The following CPPED1 variants were observed in gnomAD, a reference collection of about 807,000 sequenced individuals.
CPPED1 encodes calcineurin like phosphoesterase domain containing 1, also known as serine/threonine-protein phosphatase CPPED1.
Under a neutral mutation model 28.0 loss-of-function variants are expected in CPPED1, and 28 were observed. The ratio of observed to expected loss-of-function variants is 1.00; its 90% CI spans 0.74 to 1.37. The LOEUF (loss-of-function observed/expected upper bound fraction) is 1.37, where lower values mean the gene tolerates loss of function less well. Among genes scored for constraint, CPPED1 ranks in the 40% most tolerant of loss-of-function variants. The pLI is 0.00. For missense variants in CPPED1, 504 were observed against 416.5 expected (o/e 1.21, Z -1.83); for synonymous variants, 198 against 180.2 (o/e 1.10, Z -0.79).
chr16:12,695,168 T>C (rs1207134035), intron 3 of CPPED1, among the ~76,000 whole-genome samples: 4 of 152,338 alleles, frequency 2.6e-5, no homozygotes, highest in East Asian at 1.9e-4. Context: ...AATCTGACTA[T>C]GAAATTATAC....
chr16:12,716,734 T>A (rs1258952489), intron 2 of CPPED1, among the ~76,000 whole-genome samples: 1 of 152,184 alleles, frequency 6.6e-6, no homozygotes, highest in Non-Finnish European at 1.5e-5. Context: ...ACATAAAAAT[T>A]ATTTGTCTTC....
intron 3 of CPPED1, among the ~76,000 whole-genome samples, chr16:12,699,285 T>C (rs932292726): frequency 1.3e-5 from 2 of 152,212 alleles, no homozygotes; most frequent in Admixed American, 1.3e-4. Context: ...TGTCCTGACC[T>C]GATAACTGTT....
chr16:12,696,139 TA>T (rs112109908), intron 3 of CPPED1, among the ~76,000 whole-genome samples: 4,218 of 152,314 alleles, frequency 0.028, 198 homozygotes, highest in African/African-American at 0.096. Flanking sequence ...TGTCTAGCTT[TA>T]CTTCCTATAG....
intron 1 of CPPED1, among the ~76,000 whole-genome samples, chr16:12,790,031 T>C (rs2080587016): frequency 6.6e-6 from 1 of 152,152 alleles, no homozygotes; most frequent in Non-Finnish European, 1.5e-5. Context: ...TTTTGGGTAA[T>C]ATCAAGCTAA....
intron 3 of CPPED1, among the ~76,000 whole-genome samples, chr16:12,683,976 G>A (rs2141173926): frequency 6.6e-6 from 1 of 152,282 alleles, no homozygotes; most frequent in Middle Eastern, 3.4e-3. Flanking sequence ...GATGGCTGCA[G>A]GGCTTCCGGG....
At chr16:12,669,476 G>A (rs2079842988) in intron 3 of CPPED1, among the ~76,000 whole-genome samples, 2 of 152,124 alleles carry the variant, frequency 1.3e-5, no homozygotes, top group Admixed American at 1.3e-4. Flanking sequence ...GCATTTTATG[G>A]TATGTGAATT....
intron 2 of CPPED1, among the ~76,000 whole-genome samples, chr16:12,772,811 G>C (rs2141233695): frequency 6.6e-6 from 1 of 152,302 alleles, no homozygotes; most frequent in East Asian, 1.9e-4. Flanking sequence ...CCCTAGGCCA[G>C]ATCTCATTTG....
At chr16:12,734,387 T>G (rs544789224) in intron 2 of CPPED1, among the ~76,000 whole-genome samples, 129 of 149,782 alleles carry the variant, frequency 8.6e-4, no homozygotes, top group Middle Eastern at 3.6e-3. Context: ...AATTTTTTTT[T>G]TTTGTTTTTG....
At chr16:12,702,012 C>A (rs1233290368) in intron 3 of CPPED1, among the ~76,000 whole-genome samples, 1 of 152,158 alleles carries the variant, frequency 6.6e-6, no homozygotes, top group Non-Finnish European at 1.5e-5. Flanking sequence ...AGAGAAAGCA[C>A]CGCTGGGGTG....
intron 3 of CPPED1, among the ~76,000 whole-genome samples, chr16:12,671,913 T>C (rs539037939): frequency 1.3e-5 from 2 of 152,242 alleles, no homozygotes; most frequent in African/African-American, 4.8e-5. Context: ...GGACGCCATA[T>C]ATGAAGGGGG....
intron 2 of CPPED1, among the ~76,000 whole-genome samples, chr16:12,714,144 T>C (rs574596723): frequency 6.6e-6 from 1 of 152,348 alleles, no homozygotes; most frequent in Non-Finnish European, 1.5e-5. Context: ...TATTCTACTG[T>C]ATGAATATAT....
chr16:12,766,692 CA>C (rs1254857225), intron 2 of CPPED1, among the ~76,000 whole-genome samples: 1 of 152,096 alleles, frequency 6.6e-6, no homozygotes, highest in East Asian at 1.9e-4. Flanking sequence ...TTGCTTGAAC[CA>C]GGGGGGCGCA....
intron 3 of CPPED1, among the ~76,000 whole-genome samples, chr16:12,673,857 G>A (rs925856148): frequency 5.9e-5 from 9 of 152,134 alleles, no homozygotes; most frequent in Middle Eastern, 6.8e-3. Context: ...GACCAGCCTC[G>A]GCAACATCAT....
chr16:12,713,709 A>AT (rs145370900), intron 2 of CPPED1, among the ~76,000 whole-genome samples: 20 of 151,128 alleles, frequency 1.3e-4, no homozygotes, highest in Admixed American at 2.6e-4. Context: ...GTGTTTCTCA[A>AT]TTTTTTTTTC....
intron 1 of CPPED1, among the ~76,000 whole-genome samples, chr16:12,794,348 C>A (rs2060358): frequency 0.023 from 3,526 of 151,932 alleles, 100 homozygotes; most frequent in East Asian, 0.13. Context: ...AGAAAGAAGC[C>A]CAAAGTGGTA....
chr16:12,782,536 C>A (rs1482133458), intron 1 of CPPED1, among the ~76,000 whole-genome samples: 1 of 141,788 alleles, frequency 7.1e-6, no homozygotes, highest in Non-Finnish European at 1.5e-5. Flanking sequence ...TGCTCCATCA[C>A]CTTGAGGCTG....
chr16:12,701,209 A>G (rs1365027924), intron 3 of CPPED1, among the ~76,000 whole-genome samples: 1 of 151,800 alleles, frequency 6.6e-6, no homozygotes, highest in Non-Finnish European at 1.5e-5. Flanking sequence ...AGCCTGAGTG[A>G]CATAGTAAGA....
At chr16:12,728,783 C>G (rs1225116417) in intron 2 of CPPED1, among the ~76,000 whole-genome samples, 2 of 152,146 alleles carry the variant, frequency 1.3e-5, no homozygotes, top group Non-Finnish European at 2.9e-5. Flanking sequence ...TGAGGCCTGG[C>G]CAGTTCTGTG....
At position 12,733,419 on chromosome 16, in the gene CPPED1, C is replaced by T. The variant is rs981070751; in HGVS notation, c.290-28370G>A. 6.6e-5 allele frequency among the ~76,000 whole-genome samples: 10 copies of T among 152,018 alleles called. No individual in the cohort carries two copies. In the East Asian group the frequency reaches 1.4e-3, roughly 21 times the overall value. On this transcript the variant is annotated intron_variant, in intron 2 of 3. Coordinates refer to ENST00000381774, the MANE Select transcript of CPPED1 (RefSeq NM_018340.3). ...TCTCCTGAGTAGTTAGGATTACAGG[C>T]GCCCGCCACCACATTCGGCTAATTT...
Sources: gnomAD v4.1 joint callset for allele counts (sites outside exome capture counted in the v4.1 genomes callset) on GRCh38, gnomAD v4.1.1 for gene constraint, MANE v1.5 for transcripts, NCBI Gene and HGNC (gene_info 2026-07-23, HGNC 2026-07-21) for gene names.